MARCHF1: variants seen among roughly 807,000 people sequenced by gnomAD.
MARCHF1 encodes the protein E3 ubiquitin-protein ligase MARCHF1.
A neutral mutation model predicts 54.2 loss-of-function variants in MARCHF1; 40 were observed. The observed-to-expected ratio is 0.74, with a 90% CI of 0.57 to 0.96. The LOEUF is 0.96. Among genes scored for constraint, MARCHF1 ranks in the 40% least tolerant of loss-of-function variants. The probability of loss-of-function intolerance (pLI) is 0.00; values close to 1 mark genes in which losing one functional copy is unlikely to be tolerated. For synonymous variants in MARCHF1, 236 were observed against 236.3 expected (o/e 1.00, Z 0.01); for missense variants, 586 against 656.5 (o/e 0.89, Z 1.17).
Position 164,308,187 on chromosome 4 carries a change from G to GA in MARCHF1, c.-323+75682dup, listed in dbSNP as rs200248210. ...ATGTAATATGTTTCATTCTAATTAG[G>GA]AAAAAAATCACAATATTTATGATTT... On this transcript the variant is annotated intron_variant, in intron 1 of 9. Transcript: ENST00000514618. Among the ~76,000 whole-genome samples, 1,474 of 152,040 alleles carry GA rather than the reference G, an allele frequency of 9.7e-3. 26 individuals carry two copies. The highest frequency in any genetic ancestry group is 0.034 in the African/African-American group (1,398 of 41,482).
At chr4:163,550,281 C>CAAAAAAAAAAAAAAAAA (rs60320461) in intron 8 of MARCHF1, among the ~76,000 whole-genome samples, 2 of 105,142 alleles carry the variant, frequency 1.9e-5, no homozygotes, top group African/African-American at 7.1e-5. Context: ...GACTCCGTCT[C>CAAAAAAAAAAAAAAAAA]AAAAAAAAAA....
chr4:163,667,405 T>C lies in MARCHF1; in HGVS notation c.162+33408A>G, dbSNP rs73867697. On this transcript the variant is annotated intron_variant, in intron 5 of 9. Transcript: ENST00000514618. ...ATCTTCGACAACAACAAAAATACCA[T>C]ATATATTAGAAGATGTTGAAAATAG... Among the ~76,000 whole-genome samples the C allele has an allele frequency of 8.7e-3, 1,321 of 152,204 alleles. 17 individuals carry two copies. The highest frequency in any genetic ancestry group is 0.03 in the African/African-American group (1,234 of 41,526).
intron 1 of MARCHF1, among the ~76,000 whole-genome samples, chr4:164,273,218 G>A (rs923500373): frequency 3.3e-5 from 5 of 152,058 alleles, no homozygotes; most frequent in African/African-American, 4.8e-5. Flanking sequence ...CAATCATGGC[G>A]GAAGACAAAG....
intron 2 of MARCHF1, among the ~76,000 whole-genome samples, chr4:164,031,364 A>G (rs1338596271): frequency 6.6e-6 from 1 of 151,472 alleles, no homozygotes; most frequent in Non-Finnish European, 1.5e-5. Flanking sequence ...TATTGTGTCT[A>G]TTTGACTCTT....
intron 3 of MARCHF1, among the ~76,000 whole-genome samples, chr4:163,927,956 T>C (rs2111382417): frequency 6.6e-6 from 1 of 152,022 alleles, no homozygotes; most frequent in South Asian, 2.1e-4. Flanking sequence ...ATGAAGTTTG[T>C]ACATTTTCTT....
intron 5 of MARCHF1, among the ~76,000 whole-genome samples, chr4:163,615,586 A>G (rs1012569651): frequency 1.2e-4 from 18 of 152,234 alleles, no homozygotes; most frequent in South Asian, 2.1e-4. Flanking sequence ...GAGGAATAAA[A>G]AAAAATGAAA....
In MARCHF1 at chr4:164,340,414, GAT is replaced by G. The variant is rs70952623; in HGVS notation, c.-323+43454_-323+43455del. On this transcript the variant is annotated intron_variant, in intron 1 of 9. Transcript: ENST00000514618. ...GCCACCAGGCCTTGATTTATATATAGATATATATATATATATATATAGTTTGT... is the reference window on the plus strand; with the variant it reads ...GCCACCAGGCCTTGATTTATATATAGATATATATATATATATATAGTTTGT... 5.0e-4 allele frequency among the ~76,000 whole-genome samples: 47 copies of G among 93,312 alleles called. 4 individuals carry two copies. The highest frequency in any genetic ancestry group is 6.7e-4 in the Non-Finnish European group (30 of 44,926). The allele number at this position is 93,312 out of a possible 152,430, so 61.2% of individuals were successfully genotyped here. A position where few individuals can be genotyped will look rare whatever the true frequency, so the allele number is the denominator to read the frequency against.
intron 2 of MARCHF1, among the ~76,000 whole-genome samples, chr4:164,022,438 G>A (rs1183364297): frequency 6.6e-6 from 1 of 152,150 alleles, no homozygotes; most frequent in Non-Finnish European, 1.5e-5. Context: ...TGAAGAGAAA[G>A]AAAGCTGAAA....
chr4:163,902,018 T>A (rs1380805402), intron 3 of MARCHF1, among the ~76,000 whole-genome samples: 1 of 152,176 alleles, frequency 6.6e-6, no homozygotes, highest in Non-Finnish European at 1.5e-5. Context: ...ACGGTGCCTG[T>A]GAGGATCAAA....
intron 1 of MARCHF1, among the ~76,000 whole-genome samples, chr4:164,136,120 T>C (rs1289441937): frequency 6.6e-6 from 1 of 151,766 alleles, no homozygotes; most frequent in Non-Finnish European, 1.5e-5. Context: ...TTTAAATATA[T>C]CCTCACTGGG....
At chr4:164,361,284 CA>C (rs1175496689) in intron 1 of MARCHF1, among the ~76,000 whole-genome samples, 2 of 152,066 alleles carry the variant, frequency 1.3e-5, no homozygotes, top group Non-Finnish European at 2.9e-5. Flanking sequence ...ATATTAATTA[CA>C]AGAATCCTTA....
At chr4:163,934,466 G>C (rs969506363) in intron 3 of MARCHF1, among the ~76,000 whole-genome samples, 8 of 150,972 alleles carry the variant, frequency 5.3e-5, no homozygotes, top group African/African-American at 1.9e-4. Context: ...GGCTGAGGTG[G>C]GAGGACTGCT....
At chr4:164,151,557 C>A (rs1729938176) in intron 1 of MARCHF1, among the ~76,000 whole-genome samples, 1 of 152,090 alleles carries the variant, frequency 6.6e-6, no homozygotes, top group Non-Finnish European at 1.5e-5. Flanking sequence ...TGGGCATATT[C>A]TTTATCTCCA....
chr4:163,700,496 C>T (rs1476092827), intron 5 of MARCHF1, among the ~76,000 whole-genome samples: 2 of 137,736 alleles, frequency 1.5e-5, no homozygotes, highest in African/African-American at 2.8e-5. Context: ...CAGAGTAAGA[C>T]TCTGTCTAAA....
At chr4:164,380,142 G>A (rs1731325866) in intron 1 of MARCHF1, among the ~76,000 whole-genome samples, 1 of 151,932 alleles carries the variant, frequency 6.6e-6, no homozygotes, top group Admixed American at 6.6e-5. Flanking sequence ...TAAATTATAA[G>A]TGCATTGACA....
intron 1 of MARCHF1, among the ~76,000 whole-genome samples, chr4:164,184,583 A>G (rs1284505518): frequency 1.3e-5 from 2 of 152,240 alleles, no homozygotes; most frequent in Admixed American, 6.5e-5. Flanking sequence ...ACCTATTGAT[A>G]GAAAACAAAC....
intron 1 of MARCHF1, among the ~76,000 whole-genome samples, chr4:164,299,942 G>A (rs1734507666): frequency 6.6e-6 from 1 of 152,094 alleles, no homozygotes; most frequent in South Asian, 2.1e-4. Context: ...ATTTGTGGTA[G>A]AATTCACTAA....
chr4:163,862,547 A>C (rs1178833245), intron 3 of MARCHF1, among the ~76,000 whole-genome samples: 3 of 152,096 alleles, frequency 2.0e-5, no homozygotes, highest in African/African-American at 7.2e-5. Context: ...CAACAAATTG[A>C]TAATACCAAA....
At chr4:163,776,303 A>G (rs1186353106) in intron 4 of MARCHF1, among the ~76,000 whole-genome samples, 2 of 151,846 alleles carry the variant, frequency 1.3e-5, no homozygotes, top group African/African-American at 4.8e-5. Flanking sequence ...ACTTTTCAGT[A>G]TCTGTTCTAT....
Sources: allele counts gnomAD v4.1 joint callset (sites outside exome capture counted in the v4.1 genomes callset), GRCh38; gene constraint gnomAD v4.1.1; transcripts MANE v1.5; gene names NCBI Gene and HGNC (gene_info 2026-07-23, HGNC 2026-07-21).